The following DNAH12 variants were observed in gnomAD, a reference collection of about 807,000 sequenced individuals.
DNAH12 encodes the protein axonemal beta dynein heavy chain 12.
A neutral mutation model predicts 371.5 loss-of-function variants in DNAH12; 285 were observed. The observed-to-expected ratio is 0.77, with a 90% CI of 0.70 to 0.85. DNAH12 has a LOEUF of 0.85. Ranked by LOEUF, DNAH12 falls within the 40% of genes least tolerant of loss-of-function variation. The pLI is 0.00. For missense variants in DNAH12, 3,611 were observed against 3,689.4 expected (o/e 0.98, Z 0.55); for synonymous variants, 1,200 against 1,213.0 (o/e 0.99, Z 0.22).
At chr3:57,420,958 A>T (rs1452291766) in intron 36 of DNAH12, among the ~76,000 whole-genome samples, 1 of 150,814 alleles carries the variant, frequency 6.6e-6, no homozygotes, top group African/African-American at 2.4e-5. Flanking sequence ...TGCTTGTGTT[A>T]CCACCTCTTT....
At chr3:57,353,311 G>C (rs2062725593) in intron 59 of DNAH12, among the ~76,000 whole-genome samples, 1 of 147,624 alleles carries the variant, frequency 6.8e-6, no homozygotes, top group African/African-American at 2.5e-5. Context: ...TTTTTTTTTG[G>C]AGACAGGGTC....
intron 39 of DNAH12, 137 bp from the exon 40 acceptor site, chr3:57,408,672 G>C: frequency 1.8e-6 from 2 of 1,116,344 alleles, no homozygotes; most frequent in Non-Finnish European, 2.3e-6. Flanking sequence ...CTTTGAGTAG[G>C]AGAGAAATTT....
intron 51 of DNAH12, among the ~76,000 whole-genome samples, chr3:57,379,692 T>G (rs1448897079): frequency 6.6e-6 from 1 of 151,530 alleles, no homozygotes; most frequent in Non-Finnish European, 1.5e-5. Flanking sequence ...AGTACAAAAA[T>G]TAGCTGGGCA....
chr3:57,367,162 T>C (rs1240419617), intron 56 of DNAH12, among the ~76,000 whole-genome samples: 1 of 152,136 alleles, frequency 6.6e-6, no homozygotes, highest in East Asian at 1.9e-4. Flanking sequence ...ACCCCATCTC[T>C]ACTAAAAATA....
chr3:57,426,468 G>A (rs11929016), intron 34 of DNAH12, among the ~76,000 whole-genome samples: 33,036 of 151,866 alleles, frequency 0.22, 3,822 homozygotes, highest in African/African-American at 0.27. Context: ...AGGGTGGGGC[G>A]AGGAGGTGGC....
chr3:57,436,554 T>C (rs948817106), intron 30 of DNAH12, among the ~76,000 whole-genome samples: 1 of 152,164 alleles, frequency 6.6e-6, no homozygotes, highest in Non-Finnish European at 1.5e-5. Context: ...ATAACTTGTC[T>C]TTCTAGGTTG....
intron 20 of DNAH12, among the ~76,000 whole-genome samples, chr3:57,458,635 T>C (rs114449977): frequency 0.026 from 3,986 of 152,310 alleles, 72 homozygotes; most frequent in Non-Finnish European, 0.034. Context: ...GTATAAGTTG[T>C]AAGCTAAAAA....
intron 13 of DNAH12, among the ~76,000 whole-genome samples, chr3:57,476,810 C>T (rs1307898142): frequency 2.6e-5 from 4 of 152,092 alleles, no homozygotes; most frequent in Non-Finnish European, 4.4e-5. Context: ...ATAGGTACAT[C>T]ATCTTGTGCT....
chr3:57,415,558 G>T lies in DNAH12; in HGVS notation c.5721C>A (p.Leu1907=), dbSNP rs1304449573. The change falls in exon 38 of 74, where the codon CTC becomes CTA. Residue 1907 remains leucine, a synonymous_variant. Coordinates refer to ENST00000495027, the MANE Select transcript of DNAH12 (RefSeq NM_001366028.2). ...CTGTACCCGTTGGACCCACAAAAAGGAGTGGCCTTAATGAAAACAATGAAT... is the reference window on the plus strand; with the variant it reads ...CTGTACCCGTTGGACCCACAAAAAGTAGTGGCCTTAATGAAAACAATGAAT... ...MDLSITYAKP[L]LFVGPTGTGK... 1 of 1,533,896 alleles carries T rather than the reference G, an allele frequency of 6.5e-7. No homozygotes were observed. Among genetic ancestry groups the T allele is most frequent in the Non-Finnish European group, 8.7e-7 (1 of 1,143,186 alleles).
At chr3:57,410,271 C>T (rs1189808562) in intron 39 of DNAH12, among the ~76,000 whole-genome samples, 1 of 151,904 alleles carries the variant, frequency 6.6e-6, no homozygotes, top group Non-Finnish European at 1.5e-5. Context: ...GTCTCTGTGT[C>T]ACATTTTGGT....
intron 72 of DNAH12, among the ~76,000 whole-genome samples, chr3:57,295,833 C>A (rs913876403): frequency 6.6e-6 from 1 of 152,192 alleles, no homozygotes; most frequent in East Asian, 1.9e-4. Flanking sequence ...TAATGATTGT[C>A]CATGTGGCCA....
At position 57,421,616 on chromosome 3, in the gene DNAH12, T is replaced by C; in HGVS notation, c.5464A>G (p.Ile1822Val). The stretch of plus-strand genomic sequence containing the variant: ...GGGTTTTCATCATCTTTTCCCAGTA[T>C]GATTAATCGTATGAAAGTATCAAAA... ...RVFDTFIRLI[I>V]LGKDDENPVP... Residue 1822 changes from isoleucine (I) to valine (V), a missense_variant, in exon 36 of 74, where the codon ATA becomes GTA. Around this residue, in one of 3 missense-constraint regions of DNAH12, gnomAD observed 2,266 missense variants for 2,236.9 expected, o/e 1.01. Coordinates refer to ENST00000495027, the MANE Select transcript of DNAH12 (RefSeq NM_001366028.2). 2 of 1,551,704 alleles carry C rather than the reference T, an allele frequency of 1.3e-6. No homozygotes were observed. Among genetic ancestry groups the C allele is most frequent in the Non-Finnish European group, 8.7e-7 (1 of 1,146,990 alleles).
chr3:57,320,936 T>G (rs554955250), intron 65 of DNAH12, among the ~76,000 whole-genome samples: 125 of 152,312 alleles, frequency 8.2e-4, no homozygotes, highest in African/African-American at 3.0e-3. Context: ...ATCACAAAAA[T>G]GATGATACAT....
At chr3:57,483,293 A>G (rs1437121089) in intron 13 of DNAH12, 83 bp downstream of exon 13, 9 of 1,469,972 alleles carry the variant, frequency 6.1e-6, no homozygotes, top group African/African-American at 1.4e-5. Flanking sequence ...TATTTGTGTA[A>G]CTATATATTT....
chr3:57,326,741 T>G (rs990021122), intron 62 of DNAH12, among the ~76,000 whole-genome samples: 1 of 152,048 alleles, frequency 6.6e-6, no homozygotes, highest in African/African-American at 2.4e-5. Context: ...GACTAAATGC[T>G]CCAATTAAAA....
chr3:57,326,942 A>G (rs1455964567), intron 62 of DNAH12, among the ~76,000 whole-genome samples: 1 of 152,196 alleles, frequency 6.6e-6, no homozygotes, highest in East Asian at 1.9e-4. Flanking sequence ...TTAAACCAAC[A>G]AAGATCAAAA....
At position 57,296,326 on chromosome 3, in the gene DNAH12, G is replaced by A. The variant is rs2061231936; in HGVS notation, c.11624+18C>T. 6.5e-7 allele frequency: 1 copy of A among 1,527,314 alleles called. No homozygotes were observed. The highest frequency in any genetic ancestry group is 1.2e-5 in the South Asian group (1 of 81,916). 94.6% of individuals were successfully genotyped at this position (1,527,314 alleles called of 1,614,324 possible). A position where few individuals can be genotyped will look rare whatever the true frequency, so the allele number is the denominator to read the frequency against. On this transcript the variant is annotated intron_variant, in intron 72 of 73. Coordinates refer to ENST00000495027, the MANE Select transcript of DNAH12 (RefSeq NM_001366028.2). ...TTCAGCTACAAATGAAGAGGTCCTG[G>A]CAGCTGAATCCACTGACCTTTCTCG...
intron 66 of DNAH12, among the ~76,000 whole-genome samples, chr3:57,313,794 G>C: frequency 6.6e-6 from 1 of 152,184 alleles, no homozygotes; most frequent in Non-Finnish European, 1.5e-5. Context: ...GCAACACAGC[G>C]AGACCCCATC....
the DNAH12 span, among the ~76,000 whole-genome samples, chr3:57,555,262 T>A: frequency 1.3e-5 from 2 of 151,756 alleles, no homozygotes; most frequent in South Asian, 4.2e-4. Context: ...AAAAATAAAA[T>A]AAACAGATAA....
Sources: allele counts gnomAD v4.1 joint callset (sites outside exome capture counted in the v4.1 genomes callset), GRCh38; gene constraint gnomAD v4.1.1; regional missense constraint gnomAD v4.1.1; transcripts MANE v1.5; gene names NCBI Gene and HGNC (gene_info 2026-07-23, HGNC 2026-07-21).